The following C1QTNF7 variants were observed in gnomAD, a reference collection of about 807,000 sequenced individuals.
The protein encoded by C1QTNF7 is C1q and TNF related 7.
C1QTNF7 carries 15 observed loss-of-function variants against 19.6 expected under a neutral mutation model. The ratio of observed to expected loss-of-function variants is 0.76; its 90% CI spans 0.51 to 1.18. The LOEUF is 1.18. Ranked by LOEUF, C1QTNF7 falls within the 50% of genes most tolerant of loss-of-function variation. C1QTNF7 has a pLI of 0.00. For synonymous variants in C1QTNF7, 142 were observed against 137.5 expected (o/e 1.03, Z -0.23); for missense variants, 324 against 359.7 (o/e 0.90, Z 0.80).
chr4:15,415,620 C>CATATATATATATATAT (rs35377968), intron 1 of C1QTNF7, among the ~76,000 whole-genome samples: 3 of 146,862 alleles, frequency 2.0e-5, no homozygotes, highest in African/African-American at 7.5e-5. Flanking sequence ...TTATTTGATG[C>CATATATATATATATAT]ATATATATAT....
At chr4:15,419,711 T>C (rs1317560674) in intron 1 of C1QTNF7, among the ~76,000 whole-genome samples, 1 of 152,050 alleles carries the variant, frequency 6.6e-6, no homozygotes, top group Non-Finnish European at 1.5e-5. Context: ...GAATAGATAA[T>C]ATATGAGGTT....
intron 1 of C1QTNF7, among the ~76,000 whole-genome samples, chr4:15,354,040 C>G (rs1416625572): frequency 6.6e-6 from 1 of 152,136 alleles, no homozygotes; most frequent in Non-Finnish European, 1.5e-5. Context: ...GCACCACCTT[C>G]TCCCCCAAGG....
intron 1 of C1QTNF7, among the ~76,000 whole-genome samples, chr4:15,407,297 T>C (rs998243210): frequency 3.9e-5 from 6 of 152,194 alleles, no homozygotes; most frequent in Non-Finnish European, 7.3e-5. Context: ...TTGTATTCTG[T>C]GCCAAATTCA....
intron 1 of C1QTNF7, among the ~76,000 whole-genome samples, chr4:15,360,427 T>A (rs1490661803): frequency 1.3e-5 from 2 of 152,170 alleles, no homozygotes; most frequent in Non-Finnish European, 2.9e-5. Flanking sequence ...ATCTTCTTTT[T>A]TATATATATT....
intron 1 of C1QTNF7, among the ~76,000 whole-genome samples, chr4:15,395,907 G>T (rs920378889): frequency 2.0e-5 from 3 of 152,112 alleles, no homozygotes; most frequent in South Asian, 4.1e-4. Context: ...CAGTCTTTTT[G>T]ACTCCAAAGA....
chr4:15,362,942 T>C (rs2109300367), intron 1 of C1QTNF7, among the ~76,000 whole-genome samples: 1 of 152,320 alleles, frequency 6.6e-6, no homozygotes, highest in Middle Eastern at 3.4e-3. Context: ...TTTTGCAGCA[T>C]GGAAAACTCA....
chr4:15,392,463 C>G (rs929630713), intron 1 of C1QTNF7, among the ~76,000 whole-genome samples: 1 of 152,214 alleles, frequency 6.6e-6, no homozygotes, highest in African/African-American at 2.4e-5. Flanking sequence ...ATCACAGGCA[C>G]CTGTGCAGGG....
chr4:15,363,844 A>G (rs1371133289), intron 1 of C1QTNF7, among the ~76,000 whole-genome samples: 1 of 152,240 alleles, frequency 6.6e-6, no homozygotes, highest in African/African-American at 2.4e-5. Context: ...ATAGAAAGTG[A>G]TATCCAGAAA....
intron 1 of C1QTNF7, among the ~76,000 whole-genome samples, chr4:15,431,454 T>C (rs1667137621): frequency 6.6e-6 from 1 of 152,228 alleles, no homozygotes; most frequent in South Asian, 2.1e-4. Flanking sequence ...CATACTCTTT[T>C]TTCTTTTGAA....
chr4:15,356,958 T>C (rs1010900856), intron 1 of C1QTNF7, among the ~76,000 whole-genome samples: 8 of 150,552 alleles, frequency 5.3e-5, no homozygotes, highest in African/African-American at 1.7e-4. Flanking sequence ...TTTTTTTTTT[T>C]GTAAATTTGT....
intron 1 of C1QTNF7, among the ~76,000 whole-genome samples, chr4:15,340,587 G>A (rs934890065): frequency 5.3e-5 from 8 of 151,984 alleles, no homozygotes; most frequent in Non-Finnish European, 8.8e-5. Flanking sequence ...CTCAACTTCC[G>A]GAGCTGTGAT....
intron 1 of C1QTNF7, among the ~76,000 whole-genome samples, chr4:15,351,413 A>G (rs1716932514): frequency 6.6e-6 from 1 of 152,214 alleles, no homozygotes; most frequent in Non-Finnish European, 1.5e-5. Flanking sequence ...TGCATCTTTT[A>G]CTACTCAAAC....
chr4:15,395,855 T>C (rs1718762219), intron 1 of C1QTNF7, among the ~76,000 whole-genome samples: 1 of 152,196 alleles, frequency 6.6e-6, no homozygotes, highest in Non-Finnish European at 1.5e-5. Flanking sequence ...CCTGCCCCTA[T>C]GGTCATCTGG....
chr4:15,348,051 G>A (rs1436507495), intron 1 of C1QTNF7, among the ~76,000 whole-genome samples: 1 of 152,126 alleles, frequency 6.6e-6, no homozygotes, highest in African/African-American at 2.4e-5. Context: ...AGTATTAAAT[G>A]AGATATATTT....
chr4:15,347,548 A>C (rs1184698004), intron 1 of C1QTNF7, among the ~76,000 whole-genome samples: 1 of 152,166 alleles, frequency 6.6e-6, no homozygotes, highest in African/African-American at 2.4e-5. Context: ...ACCAAATTTC[A>C]GATGATTTTC....
At chr4:15,356,554 A>G (rs1200187948) in intron 1 of C1QTNF7, among the ~76,000 whole-genome samples, 1 of 152,228 alleles carries the variant, frequency 6.6e-6, no homozygotes, top group Non-Finnish European at 1.5e-5. Flanking sequence ...TGCTGTAATA[A>G]ACATACATGT....
chr4:15,404,339 T>C (rs1719116219), intron 1 of C1QTNF7, among the ~76,000 whole-genome samples: 1 of 152,212 alleles, frequency 6.6e-6, no homozygotes, highest in Non-Finnish European at 1.5e-5. Context: ...CAGATATATC[T>C]GAGTACTAGT....
intron 1 of C1QTNF7, among the ~76,000 whole-genome samples, chr4:15,401,203 T>C (rs1406071089): frequency 6.6e-6 from 1 of 152,116 alleles, no homozygotes; most frequent in African/African-American, 2.4e-5. Flanking sequence ...ATCATTTTTG[T>C]TGTGTAGGGA....
At chr4:15,401,694 G>A (rs370313723) in intron 1 of C1QTNF7, among the ~76,000 whole-genome samples, 37 of 152,140 alleles carry the variant, frequency 2.4e-4, no homozygotes, top group African/African-American at 8.2e-4. Flanking sequence ...GTTTAAAAAC[G>A]AAATAGAAAT....
Sources: allele counts gnomAD v4.1 joint callset (sites outside exome capture counted in the v4.1 genomes callset), GRCh38; gene constraint gnomAD v4.1.1; transcripts MANE v1.5; gene names NCBI Gene and HGNC (gene_info 2026-07-23, HGNC 2026-07-21).